AHCYL2: variants seen among roughly 807,000 people sequenced by gnomAD.
The protein encoded by AHCYL2 is S-adenosylhomocysteine hydrolase-like protein 2.
In AHCYL2, 28 loss-of-function variants were observed where a neutral mutation model predicts 81.4. The observed-to-expected ratio is 0.34, with a 90% CI of 0.25 to 0.47. The LOEUF (loss-of-function observed/expected upper bound fraction) is 0.47, where lower values mean the gene tolerates loss of function less well. Among genes scored for constraint, AHCYL2 ranks in the 20% least tolerant of loss-of-function variants. The pLI is 1.00. For synonymous variants in AHCYL2, 272 were observed against 290.2 expected, an observed-to-expected ratio of 0.94 and a Z score of 0.64; for missense variants, 551 against 785.1, an observed-to-expected ratio of 0.70 and a Z score of 3.56.
At chr7:129,362,196 G>A (rs186590032) in intron 1 of AHCYL2, among the ~76,000 whole-genome samples, 1 of 152,196 alleles carries the variant, frequency 6.6e-6, no homozygotes, top group Non-Finnish European at 1.5e-5. Context: ...GTTCAAAAAG[G>A]TTGTGTAGCC....
intron 12 of AHCYL2, among the ~76,000 whole-genome samples, chr7:129,415,589 G>A (rs1226341507): frequency 6.6e-6 from 1 of 150,608 alleles, no homozygotes; most frequent in Non-Finnish European, 1.5e-5. Flanking sequence ...TTGGGAGGCT[G>A]AGGCAGGTGG....
intron 1 of AHCYL2, among the ~76,000 whole-genome samples, chr7:129,379,205 A>G (rs1794832200): frequency 2.0e-5 from 3 of 151,808 alleles, no homozygotes; most frequent in Non-Finnish European, 4.4e-5. Context: ...ACTTGAACCC[A>G]GAAGGTGGAG....
rs1797455001 is a variant in AHCYL2, at chr7:129,428,616, C to T, written c.*1571C>T. 6.6e-6 allele frequency: 1 copy of T among 152,268 alleles called. No homozygotes were observed. The highest frequency in any genetic ancestry group is 2.4e-5 in the African/African-American group (1 of 41,444). 9.4% of individuals were successfully genotyped at this position (152,268 alleles called of 1,614,324 possible). On this transcript the variant is annotated 3_prime_UTR_variant, in exon 17 of 17. Transcript: ENST00000325006. ...CAAGGTGACTCAAGATAACACCAGA[C>T]CACGCATGATCACCAAAACCTTCCC... is the stretch of plus-strand genomic sequence containing the variant.
chr7:129,348,605 G>C lies in AHCYL2; in HGVS notation c.364-31033G>C, dbSNP rs1290387386. On this transcript the variant is annotated intron_variant, in intron 1 of 16. Transcript: ENST00000325006. The stretch of plus-strand genomic sequence containing the variant: ...TCAGATTTTAGAAACCTATCTTATG[G>C]GATTATCATGAGGATTAAATGAGTC... 2.0e-5 allele frequency among the ~76,000 whole-genome samples: 3 copies of C among 151,934 alleles called. No homozygotes were observed. The East Asian group carries it at 5.8e-4, about 29-fold the overall frequency.
At chr7:129,358,644 A>T (rs1194467353) in intron 1 of AHCYL2, among the ~76,000 whole-genome samples, 1 of 152,160 alleles carries the variant, frequency 6.6e-6, no homozygotes. Flanking sequence ...AGTTTGAGAT[A>T]ATGAAAAAGT....
At chr7:129,365,177 C>A (rs1238063556) in intron 1 of AHCYL2, among the ~76,000 whole-genome samples, 1 of 151,978 alleles carries the variant, frequency 6.6e-6, no homozygotes, top group Non-Finnish European at 1.5e-5. Flanking sequence ...AGTGATATAG[C>A]CAAAGAACAA....
In AHCYL2 at chr7:129,413,578, C is replaced by G. The variant is rs745841487; in HGVS notation, c.1367-16C>G. 6.2e-7 allele frequency: 1 copy of G among 1,601,518 alleles called. No homozygotes were observed. The highest frequency in any genetic ancestry group is 1.7e-5 in the Admixed American group (1 of 59,980). On this transcript the variant is annotated splice_polypyrimidine_tract_variant and intron_variant, in intron 11 of 16. Coordinates refer to ENST00000325006, the MANE Select transcript of AHCYL2 (RefSeq NM_015328.4). The stretch of plus-strand genomic sequence containing the variant: ...TCTTTCTCCACTGCTGCTCAGACCT[C>G]TCTTCTGTTTTTAAGGTAACAAGAA...
At chr7:129,311,086 C>G (rs1011275605) in intron 1 of AHCYL2, among the ~76,000 whole-genome samples, 2 of 143,486 alleles carry the variant, frequency 1.4e-5, no homozygotes, top group African/African-American at 5.2e-5. Flanking sequence ...CCAGCCTGGG[C>G]AAGAGTGAAA....
In AHCYL2 at chr7:129,368,482, C is replaced by A; in HGVS notation, c.364-11156C>A. ...CCTTTTGCTTCAGGACATATCTTAC[C>A]CAAGCCTGCACTATGGAGAAGTGGG... On this transcript the variant is annotated intron_variant, in intron 1 of 16. Transcript: ENST00000325006. This position sits in a 1 kb window ranked among gnomAD's most constrained non-coding sequence, Gnocchi z 4.4. 1.2e-6 allele frequency: 2 copies of A among 1,613,992 alleles called. No homozygotes were observed. The highest frequency in any genetic ancestry group is 4.5e-5 in the East Asian group (2 of 44,884).
intron 12 of AHCYL2, among the ~76,000 whole-genome samples, chr7:129,416,409 G>A (rs1236777094): frequency 6.6e-6 from 1 of 152,102 alleles, no homozygotes; most frequent in Admixed American, 6.5e-5. Flanking sequence ...TATGTTAGAA[G>A]GCAAAAGCAC....
rs532522625 is a variant in AHCYL2 at position 129,382,428 on chromosome 7, C to T, written c.475+2679C>T. Reference sequence around the variant, plus strand: ...CAGCCTTGCTAACACGGTGAAACCCCGTCTCCACAAAAAATTTAAAAATTA... The same window carrying T: ...CAGCCTTGCTAACACGGTGAAACCCTGTCTCCACAAAAAATTTAAAAATTA... On this transcript the variant is annotated intron_variant, in intron 2 of 16. Transcript: ENST00000325006. 1.2e-3 allele frequency among the ~76,000 whole-genome samples: 187 copies of T among 152,156 alleles called. 4 individuals are homozygous for T. The highest frequency in any genetic ancestry group is 1.3e-3 in the Non-Finnish European group (85 of 67,998).
At chr7:129,379,346 G>A (rs189332733) in intron 1 of AHCYL2, among the ~76,000 whole-genome samples, 2 of 151,322 alleles carry the variant, frequency 1.3e-5, no homozygotes, top group Admixed American at 6.6e-5. Flanking sequence ...TAAAGAATGA[G>A]ACATTGCCAG....
At chr7:129,247,053 T>C (rs1381026529) in intron 1 of AHCYL2, among the ~76,000 whole-genome samples, 1 of 152,188 alleles carries the variant, frequency 6.6e-6, no homozygotes, top group East Asian at 1.9e-4. Flanking sequence ...TTGGCAGACA[T>C]ATATTTTCAT....
rs1468430968 is a variant in AHCYL2, at chr7:129,406,696, G to C, written c.1295+230G>C. ...GGAGATAGTAACAGGGATTCTGTCA[G>C]CCAGAGAACAGGTAGCCCCTTACCT... is the stretch of plus-strand genomic sequence containing the variant. On this transcript the variant is annotated intron_variant, in intron 10 of 16. Coordinates refer to ENST00000325006, the MANE Select transcript of AHCYL2 (RefSeq NM_015328.4). This position sits in a 1 kb window ranked among gnomAD's most constrained non-coding sequence, Gnocchi z 4.3. Among the ~76,000 whole-genome samples the C allele has an allele frequency of 6.6e-6, 1 of 152,202 alleles. No homozygotes were observed. The highest frequency in any genetic ancestry group is 2.4e-5 in the African/African-American group (1 of 41,452).
intron 1 of AHCYL2, among the ~76,000 whole-genome samples, chr7:129,260,077 A>C (rs1364172783): frequency 7.6e-6 from 1 of 131,474 alleles, no homozygotes; most frequent in African/African-American, 2.7e-5. Flanking sequence ...ACTCCATCTC[A>C]AAAAAAAAAA....
Position 129,335,908 on chromosome 7 carries a change from C to T in AHCYL2, c.364-43730C>T, listed in dbSNP as rs551346650. On this transcript the variant is annotated intron_variant, in intron 1 of 16. Transcript: ENST00000325006. ...GATTCAAGGGGACAGGTCCTAAATC[C>T]CACTTCCGTGAGAAGAATGTCAGAG... 6.2e-4 allele frequency among the ~76,000 whole-genome samples: 95 copies of T among 152,196 alleles called. No individual in the cohort carries two copies. The South Asian group carries it at 0.018, about 29-fold the overall frequency.
At chr7:129,313,570 G>C (rs1797732642) in intron 1 of AHCYL2, among the ~76,000 whole-genome samples, 1 of 152,198 alleles carries the variant, frequency 6.6e-6, no homozygotes, top group Non-Finnish European at 1.5e-5. Flanking sequence ...GAGTTAGCCA[G>C]ATACTGACTG....
chr7:129,392,524 A>G (rs1337728500), intron 4 of AHCYL2, among the ~76,000 whole-genome samples: 1 of 152,208 alleles, frequency 6.6e-6, no homozygotes, highest in Non-Finnish European at 1.5e-5. Context: ...AATCACTTCC[A>G]TAATCACCTT....
intron 1 of AHCYL2, among the ~76,000 whole-genome samples, chr7:129,331,089 T>A (rs1430284444): frequency 6.6e-6 from 1 of 152,202 alleles, no homozygotes; most frequent in Non-Finnish European, 1.5e-5. Flanking sequence ...CAGTTCTGAA[T>A]TGATGGGTTT....
Sources: gnomAD v4.1 joint callset for allele counts (sites outside exome capture counted in the v4.1 genomes callset) on GRCh38, gnomAD v4.1.1 for gene constraint, Gnocchi (gnomAD v3.1) non-coding constraint, MANE v1.5 for transcripts, NCBI Gene and HGNC (gene_info 2026-07-23, HGNC 2026-07-21) for gene names.